PCYT1A: variants seen among roughly 807,000 people sequenced by gnomAD.
PCYT1A encodes choline-phosphate cytidylyltransferase A.
PCYT1A carries 25 observed loss-of-function variants against 43.7 expected under a neutral mutation model. The observed-to-expected ratio is 0.57, with a 90% CI of 0.42 to 0.80. The LOEUF is 0.80. PCYT1A is among the 30% of genes least tolerant of loss of function. The pLI is 0.00. For missense variants in PCYT1A, 421 were observed against 474.2 expected, an observed-to-expected ratio of 0.89 and a Z score of 1.04; for synonymous variants, 172 against 170.7, an observed-to-expected ratio of 1.01 and a Z score of -0.06.
chr3:196,235,626 C>T lies in PCYT1A; in HGVS notation c.*3062G>A, dbSNP rs1724139460. 1 of 152,330 alleles carries T rather than the reference C, an allele frequency of 6.6e-6. No individual in the cohort carries two copies. Among genetic ancestry groups the T allele is most frequent in the Non-Finnish European group, 1.5e-5 (1 of 68,116 alleles). The allele number at this position is 152,330 out of a possible 1,614,324, so 9.4% of individuals were successfully genotyped here. ...CCGGAAGGCAGTGGCTGCGCCGGCACCTCCCCGGCTCTGGCCTTCTAATGT... is the reference window on the plus strand; with the variant it reads ...CCGGAAGGCAGTGGCTGCGCCGGCATCTCCCCGGCTCTGGCCTTCTAATGT... On this transcript the variant is annotated 3_prime_UTR_variant, in exon 9 of 9. Coordinates refer to ENST00000431016, the MANE Select transcript of PCYT1A (RefSeq NM_001312673.2). This position sits in a 1 kb window ranked among gnomAD's most constrained non-coding sequence, Gnocchi z 4.3.
intron 2 of PCYT1A, among the ~76,000 whole-genome samples, chr3:196,266,707 T>C (rs1290060038): frequency 1.3e-5 from 2 of 151,052 alleles, no homozygotes; most frequent in Admixed American, 6.6e-5. Flanking sequence ...CTGAGCAACA[T>C]GGTAAAACCC....
At chr3:196,241,842 G>C in intron 7 of PCYT1A, 106 bp downstream of exon 7, 1 of 1,354,742 alleles carries the variant, frequency 7.4e-7, no homozygotes, top group Non-Finnish European at 1.0e-6. Flanking sequence ...TGAACTTTTG[G>C]GAGTGATCAT....
chr3:196,247,222 A>T lies in PCYT1A; in HGVS notation c.486+145T>A. ...AACGTCAGGGGTGACTGTTATCACT[A>T]GTAATATCACTGTCATCTCCTACGA... On this transcript the variant is annotated intron_variant, in intron 5 of 8. Transcript: ENST00000431016. This position sits in a 1 kb window ranked among gnomAD's most constrained non-coding sequence, Gnocchi z 4.8. 1.2e-6 allele frequency: 1 copy of T among 804,526 alleles called. No individual in the cohort carries two copies. The highest frequency in any genetic ancestry group is 2.1e-6 in the Non-Finnish European group (1 of 480,214). 49.8% of individuals were successfully genotyped at this position (804,526 alleles called of 1,614,324 possible).
chr3:196,280,499 T>C (rs1725732263), intron 1 of PCYT1A, among the ~76,000 whole-genome samples: 1 of 152,082 alleles, frequency 6.6e-6, no homozygotes, highest in Non-Finnish European at 1.5e-5. Flanking sequence ...GTAAATACTA[T>C]GTAACCAGTT....
intron 2 of PCYT1A, among the ~76,000 whole-genome samples, chr3:196,258,476 C>T (rs1725010865): frequency 6.6e-6 from 1 of 151,984 alleles, no homozygotes; most frequent in Non-Finnish European, 1.5e-5. Context: ...TATAACTTTG[C>T]TAAAGTTAAT....
intron 3 of PCYT1A, 44 bp from the exon 4 acceptor site, chr3:196,248,367 T>C (rs1330422008): frequency 8.3e-7 from 1 of 1,206,080 alleles, no homozygotes; most frequent in South Asian, 1.2e-5. Flanking sequence ...ACCTTTTTTT[T>C]TGTCATTTTT....
chr3:196,276,256 T>C (rs1725588330), intron 1 of PCYT1A, among the ~76,000 whole-genome samples: 1 of 152,166 alleles, frequency 6.6e-6, no homozygotes, highest in South Asian at 2.1e-4. Context: ...TGTAAACATA[T>C]ATCGAAGTAT....
intron 7 of PCYT1A, 63 bp downstream of exon 7, chr3:196,241,885 T>C (rs939094076): frequency 1.9e-6 from 3 of 1,578,946 alleles, no homozygotes; most frequent in Non-Finnish European, 8.7e-7. Context: ...TCAGCTGAGA[T>C]GGAGTGGGAG....
chr3:196,286,148 C>CG (rs1321061586), intron 1 of PCYT1A, among the ~76,000 whole-genome samples: 1 of 151,538 alleles, frequency 6.6e-6, no homozygotes, highest in East Asian at 1.9e-4. Flanking sequence ...CTGCAACCAC[C>CG]GCCTCCTGGG....
chr3:196,263,621 G>A (rs912956657), intron 2 of PCYT1A, among the ~76,000 whole-genome samples: 1 of 151,968 alleles, frequency 6.6e-6, no homozygotes, highest in African/African-American at 2.4e-5. Flanking sequence ...TCCACCCCCC[G>A]GGGATCTGTT....
In PCYT1A at chr3:196,252,076, C is replaced by G. The variant is rs77822989; in HGVS notation, c.218-3753G>C. On this transcript the variant is annotated intron_variant, in intron 3 of 8. Coordinates refer to ENST00000431016, the MANE Select transcript of PCYT1A (RefSeq NM_001312673.2). This position sits in a 1 kb window ranked among gnomAD's most constrained non-coding sequence, Gnocchi z 4.0. ...AGCGCACACCACCACGCCCCGCTGA[C>G]TACAGCGCACCCCGCCACGCCCCGC... is the stretch of plus-strand genomic sequence containing the variant. Among the ~76,000 whole-genome samples, 39,485 of 151,220 alleles carry G rather than the reference C, an allele frequency of 0.26. 6,224 individuals are homozygous for G. Among genetic ancestry groups the G allele is most frequent in the East Asian group, 0.76 (3,901 of 5,122 alleles).
In PCYT1A at chr3:196,264,935, G is replaced by A. The variant is rs1338805042; in HGVS notation, c.117+5480C>T. Among the ~76,000 whole-genome samples the A allele has an allele frequency of 2.0e-5, 3 of 152,298 alleles. No individual in the cohort carries two copies. In the East Asian group the frequency reaches 5.8e-4, roughly 29 times the overall value. The stretch of plus-strand genomic sequence containing the variant: ...AACATTTTGGTTGAAATGAGATTGT[G>A]AGGCCTACTTTGCCATAAGCAGAAC... On this transcript the variant is annotated intron_variant, in intron 2 of 8. Transcript: ENST00000431016.
At chr3:196,275,527 G>A (rs1355141275) in intron 1 of PCYT1A, among the ~76,000 whole-genome samples, 2 of 152,118 alleles carry the variant, frequency 1.3e-5, no homozygotes, top group Non-Finnish European at 2.9e-5. Context: ...GAGGTCAAGA[G>A]ATCGAGACCA....
chr3:196,257,929 T>A (rs763613581), intron 2 of PCYT1A, 42 bp from the exon 3 acceptor site: 3 of 1,143,112 alleles, frequency 2.6e-6, no homozygotes, highest in South Asian at 1.3e-5. Flanking sequence ...TTCAACTCAA[T>A]GGCATACACT....
chr3:196,246,645 G>A (rs986639377), intron 5 of PCYT1A, among the ~76,000 whole-genome samples: 2 of 152,204 alleles, frequency 1.3e-5, no homozygotes, highest in African/African-American at 4.8e-5. Context: ...CCAATTTCTA[G>A]CATAAGATCA....
At position 196,238,642 on chromosome 3, in the gene PCYT1A, A is replaced by G. The variant is rs778645108; in HGVS notation, c.*46T>C. The G allele has an allele frequency of 6.4e-6, 8 of 1,258,694 alleles. No individual in the cohort carries two copies. Among genetic ancestry groups the G allele is most frequent in the Non-Finnish European group, 8.6e-6 (8 of 925,054 alleles). The allele number at this position is 1,258,694 out of a possible 1,614,324, so 78.0% of individuals were successfully genotyped here. A position where few individuals can be genotyped will look rare whatever the true frequency, so the allele number is the denominator to read the frequency against. On this transcript the variant is annotated 3_prime_UTR_variant, in exon 9 of 9. Coordinates refer to ENST00000431016, the MANE Select transcript of PCYT1A (RefSeq NM_001312673.2). ...TTTGGAATTCAACAGAGAGCTTCTG[A>G]AGGTAATGGGACAGAAAGGGAGGAC...
rs1287373456 is a variant in PCYT1A, at chr3:196,234,519, G to A, written c.*4169C>T. 1 of 152,204 alleles carries A rather than the reference G, an allele frequency of 6.6e-6. No individual in the cohort carries two copies. The highest frequency in any genetic ancestry group is 2.4e-5 in the African/African-American group (1 of 41,454). 9.4% of individuals were successfully genotyped at this position (152,204 alleles called of 1,614,324 possible). A position where few individuals can be genotyped will look rare whatever the true frequency, so the allele number is the denominator to read the frequency against. On this transcript the variant is annotated 3_prime_UTR_variant, in exon 9 of 9. Transcript: ENST00000431016. The stretch of plus-strand genomic sequence containing the variant: ...CACTGGTGATGGGGCGAACGTTCAA[G>A]ACGAAGCCAGCAGTCCTTTCCAAGA...
chr3:196,287,407 C>G (rs1393597921), intron 1 of PCYT1A: 1 of 152,452 alleles, frequency 6.6e-6, no homozygotes, highest in South Asian at 2.1e-4. Flanking sequence ...GCCCCGGCCT[C>G]GCGCTCTCCG....
intron 1 of PCYT1A, among the ~76,000 whole-genome samples, chr3:196,281,747 G>A (rs1341482566): frequency 6.6e-6 from 1 of 152,092 alleles, no homozygotes; most frequent in Admixed American, 6.6e-5. Context: ...GAATTATTTC[G>A]AGTACAGTGG....
Sources: allele counts gnomAD v4.1 joint callset (sites outside exome capture counted in the v4.1 genomes callset), GRCh38; gene constraint gnomAD v4.1.1; non-coding constraint Gnocchi (gnomAD v3.1); transcripts MANE v1.5; gene names NCBI Gene and HGNC (gene_info 2026-07-23, HGNC 2026-07-21).